Variants in IDUA observed in about 807,000 individuals in gnomAD.
IDUA encodes iduronidase alpha-L-.
Under a neutral mutation model 68.9 loss-of-function variants are expected in IDUA, and 65 were observed. The ratio of observed to expected loss-of-function variants is 0.94; its 90% CI spans 0.77 to 1.16. IDUA has a LOEUF of 1.16. Among genes scored for constraint, IDUA ranks in the 50% most tolerant of loss-of-function variants. The pLI, the probability that IDUA is intolerant of heterozygous loss-of-function variation, is 0.00. For missense variants in IDUA, 1,046 were observed against 938.0 expected (o/e 1.12, Z -1.50); for synonymous variants, 529 against 433.6 (o/e 1.22, Z -2.73).
At position 987,791 on chromosome 4, in the gene IDUA, C is replaced by T. The variant is rs1230498270; in HGVS notation, c.159-18C>T. The stretch of plus-strand genomic sequence containing the variant: ...CATGCTGAGGCTCGGGACTGAGCCG[C>T]CCCTTTGTTGTCCCCAGCCCCCCGC... On this transcript the variant is annotated intron_variant, in intron 1 of 13. Coordinates refer to ENST00000514224, the MANE Select transcript of IDUA (RefSeq NM_000203.5). The T allele has an allele frequency of 6.2e-7, 1 of 1,611,802 alleles. No homozygotes were observed. Among genetic ancestry groups the T allele is most frequent in the African/African-American group, 1.3e-5 (1 of 74,910 alleles).
In IDUA at chr4:1,001,484, G is replaced by T. The variant is rs754039388; in HGVS notation, c.510G>T (p.Ala170=). The T allele has an allele frequency of 1.2e-6, 2 of 1,613,064 alleles. No homozygotes were observed. The highest frequency in any genetic ancestry group is 1.7e-6 in the Non-Finnish European group (2 of 1,179,882). Residue 170 remains alanine, a synonymous_variant, in exon 5 of 14, where the codon GCG becomes GCT. Transcript: ENST00000514224. Reference sequence around the variant, plus strand: ...CCTCTGCAGGTAGGTACGGACTGGCGCATGTTTCCAAGTGGAACTTCGAGA... The same window carrying T: ...CCTCTGCAGGTAGGTACGGACTGGCTCATGTTTCCAAGTGGAACTTCGAGA... ...ARRYIGRYGL[A]HVSKWNFETW...
chr4:1,000,673 C>T lies in IDUA; in HGVS notation c.361C>T (p.Leu121Phe). The part of the protein sequence containing the change: ...FTHLDGYLDL[L>F]RENQLLPGFE... Reference sequence around the variant, plus strand: ...CCACCTGGACGGGTACCTGGACCTTCTCAGGGAGAACCAGCTCCTCCCAGG... The same window carrying T: ...CCACCTGGACGGGTACCTGGACCTTTTCAGGGAGAACCAGCTCCTCCCAGG... Residue 121 changes from leucine (L) to phenylalanine (F), a missense_variant, in exon 3 of 14, where the codon CTC (leucine) becomes TTC (phenylalanine). Transcript: ENST00000514224. 6.2e-7 allele frequency: 1 copy of T among 1,612,352 alleles called. No individual in the cohort carries two copies.
Position 1,001,792 on chromosome 4 carries a change from TGGG to T in IDUA, c.705_707del (p.Trp235_Gly236delinsCys). 6.2e-7 allele frequency: 1 copy of T among 1,603,868 alleles called. No homozygotes were observed. The highest frequency in any genetic ancestry group is 8.5e-7 in the Non-Finnish European group (1 of 1,177,634). The stretch of plus-strand genomic sequence containing the variant: ...CACCCCACCGCGATCCCCGCTGAGC[TGGG>T]GCCTCCTGCGCCACTGCCACGACGG... On this transcript the variant is annotated inframe_deletion, in exon 6 of 14. Coordinates refer to ENST00000514224, the MANE Select transcript of IDUA (RefSeq NM_000203.5).
intron 2 of IDUA, among the ~76,000 whole-genome samples, chr4:994,010 C>T (rs538842279): frequency 2.3e-4 from 35 of 152,396 alleles, no homozygotes; most frequent in South Asian, 2.3e-3. Context: ...GTCACCCTCA[C>T]GGCTCCTCTG....
chr4:998,471 A>G (rs977364036), intron 2 of IDUA, among the ~76,000 whole-genome samples: 1 of 152,108 alleles, frequency 6.6e-6, no homozygotes, highest in African/African-American at 2.4e-5. Context: ...CTGCCACAGG[A>G]GGTGCACTGC....
chr4:996,306 G>C (rs1323405775), intron 2 of IDUA, among the ~76,000 whole-genome samples: 1 of 152,244 alleles, frequency 6.6e-6, no homozygotes, highest in Non-Finnish European at 1.5e-5. Flanking sequence ...CAGCAGGGTT[G>C]TTGGAGAACT....
chr4:997,442 C>A (rs1219872937), intron 2 of IDUA, among the ~76,000 whole-genome samples: 4 of 151,590 alleles, frequency 2.6e-5, no homozygotes, highest in African/African-American at 9.7e-5. Context: ...CCCGCGCACT[C>A]ACCAGGCCCG....
chr4:994,678 C>A (rs2153019775), intron 2 of IDUA, among the ~76,000 whole-genome samples: 1 of 152,232 alleles, frequency 6.6e-6, no homozygotes, highest in Non-Finnish European at 1.5e-5. Context: ...ACCTCGTGAT[C>A]CACCCACCTC....
rs1714087116 is a variant in IDUA, at chr4:989,687, C to T, written c.299+1738C>T. 1.9e-6 allele frequency: 3 copies of T among 1,564,746 alleles called. No individual in the cohort carries two copies. The highest frequency in any genetic ancestry group is 2.6e-6 in the Non-Finnish European group (3 of 1,155,440). ...ACCAGCAGCACCACGGTGGCGCTGA[C>T]CACGCTGGACAGCTGTGTCCGGCAG... On this transcript the variant is annotated intron_variant, in intron 2 of 13. Coordinates refer to ENST00000514224, the MANE Select transcript of IDUA (RefSeq NM_000203.5).
rs73066479 is a variant in IDUA at position 1,002,902 on chromosome 4, G to A, written c.1360G>A (p.Val454Ile). 228,564 of 1,408,774 alleles carry A rather than the reference G, an allele frequency of 0.16. 19,900 individuals are homozygous for A. Among genetic ancestry groups the A allele is most frequent in the South Asian group, 0.3 (19,925 of 66,322 alleles). 87.3% of individuals were successfully genotyped at this position (1,408,774 alleles called of 1,614,324 possible). The part of the protein sequence containing the change: ...DDTRAHPNRS[V>I]AVTLRLRGVP... ...CACCCGCGCCCACCCCAACCGCAGC[G>A]TCGCGGTGACCCTGCGGCTGCGCGG... Residue 454 changes from valine (V) to isoleucine (I), a missense_variant, in exon 9 of 14, where the codon GTC becomes ATC. Physicochemically the swap from Val to Ile is conservative, Grantham distance 29. Transcript: ENST00000514224.
chr4:1,001,601 G>C lies in IDUA; in HGVS notation c.589+38G>C, dbSNP rs777253361. The C allele has an allele frequency of 3.1e-6, 5 of 1,608,740 alleles. No homozygotes were observed. In the Admixed American group the frequency reaches 5.0e-5, roughly 16 times the overall value. ...TCCTGGGGTCCTGCCCGGCTGAAAGGGGGCAGAGGAAGGCAGGAGCAGAGG... is the reference window on the plus strand; with the variant it reads ...TCCTGGGGTCCTGCCCGGCTGAAAGCGGGCAGAGGAAGGCAGGAGCAGAGG... On this transcript the variant is annotated intron_variant, in intron 5 of 13. Transcript: ENST00000514224.
chr4:992,069 A>C, intron 2 of IDUA: 1 of 537,840 alleles, frequency 1.9e-6, no homozygotes, highest in Non-Finnish European at 3.6e-6. Flanking sequence ...CCTGGCTGAA[A>C]ACCACCCTGT....
intron 2 of IDUA, chr4:990,690 C>T (rs1714220397): frequency 4.6e-6 from 2 of 432,418 alleles, no homozygotes; most frequent in Non-Finnish European, 8.3e-6. Context: ...CTTCCTGCTG[C>T]TTCCTACACA....
chr4:1,002,650 C>A, intron 8 of IDUA, 82 bp from the exon 9 acceptor site: 1 of 1,194,466 alleles, frequency 8.4e-7, no homozygotes, highest in Non-Finnish European at 1.1e-6. Context: ...GGAGGGGGAG[C>A]GAGTGGTGGG....
Position 990,959 on chromosome 4 carries a change from C to T in IDUA, c.299+3010C>T, listed in dbSNP as rs1376708534. 1.3e-5 allele frequency: 9 copies of T among 675,964 alleles called. No homozygotes were observed. In the East Asian group the frequency reaches 2.6e-4, roughly 20 times the overall value. 41.9% of individuals were successfully genotyped at this position (675,964 alleles called of 1,614,324 possible). A position where few individuals can be genotyped will look rare whatever the true frequency, so the allele number is the denominator to read the frequency against. ...ATCCACAGCCTCTCCGCGTCGGTGCCTCGCCCTGGGATGCCCCGGCACGCC... is the reference window on the plus strand; with the variant it reads ...ATCCACAGCCTCTCCGCGTCGGTGCTTCGCCCTGGGATGCCCCGGCACGCC... On this transcript the variant is annotated intron_variant, in intron 2 of 13. Coordinates refer to ENST00000514224, the MANE Select transcript of IDUA (RefSeq NM_000203.5).
At chr4:987,783 C>T in intron 1 of IDUA, 26 bp from the exon 2 acceptor site, 3 of 1,611,542 alleles carry the variant, frequency 1.9e-6, no homozygotes, top group Non-Finnish European at 2.5e-6. Context: ...AGGCTCGGGA[C>T]TGAGCCGCCC....
rs371369206 is a variant in IDUA, at chr4:1,004,341, C to T, written c.1910C>T (p.Pro637Leu). ...CCAGGCCCCTTCTCGGACCCTGTGC[C>T]GTACCTGGAGGTCCCTGTGCCAAGA... ...ARPGPFSDPV[P>L]YLEVPVPRGP... Residue 637 changes from proline (P) to leucine (L), a missense_variant, in exon 14 of 14, where the codon CCG (proline) becomes CTG (leucine). Coordinates refer to ENST00000514224, the MANE Select transcript of IDUA (RefSeq NM_000203.5). This position sits in a 1 kb window ranked among gnomAD's most constrained non-coding sequence, Gnocchi z 5.0. 9.1e-5 allele frequency: 146 copies of T among 1,611,692 alleles called. No homozygotes were observed. The highest frequency in any genetic ancestry group is 1.7e-4 in the Middle Eastern group (1 of 5,974).
chr4:998,137 A>G (rs918681103), intron 2 of IDUA, among the ~76,000 whole-genome samples: 1 of 144,704 alleles, frequency 6.9e-6, no homozygotes, highest in East Asian at 2.3e-4. Flanking sequence ...GAGAGGTGGT[A>G]GGGGCCGGGT....
chr4:1,003,589 T>G lies in IDUA; in HGVS notation c.1691T>G (p.Leu564Arg). The G allele has an allele frequency of 6.2e-7, 1 of 1,612,366 alleles. No individual in the cohort carries two copies. Among genetic ancestry groups the G allele is most frequent in the Non-Finnish European group, 8.5e-7 (1 of 1,179,814 alleles). ...LRALPLTQGQLVLVWSDEHVG... is the reference protein window; with the variant it reads ...LRALPLTQGQRVLVWSDEHVG... Reference sequence around the variant, plus strand: ...GCCCTGCCCCTGACCCAAGGGCAGCTGGTTCTGGTCTGGTCGGATGAACAC... The same window carrying G: ...GCCCTGCCCCTGACCCAAGGGCAGCGGGTTCTGGTCTGGTCGGATGAACAC... The change falls in exon 12 of 14, where the codon CTG becomes CGG. Residue 564 changes from leucine to arginine, a missense_variant. Leu to Arg is a moderately radical substitution (Grantham distance 102, BLOSUM62 -2). Transcript: ENST00000514224.
Sources: allele counts gnomAD v4.1 joint callset (sites outside exome capture counted in the v4.1 genomes callset), GRCh38; gene constraint gnomAD v4.1.1; non-coding constraint Gnocchi (gnomAD v3.1); transcripts MANE v1.5; gene names NCBI Gene and HGNC (gene_info 2026-07-23, HGNC 2026-07-21).